The following ADD3 variants were observed in gnomAD, a reference collection of about 807,000 sequenced individuals.
ADD3 encodes adducin 3.
In ADD3, 25 loss-of-function variants were observed where a neutral mutation model predicts 80.2. The ratio of observed to expected loss-of-function variants is 0.31; its 90% CI spans 0.23 to 0.44. The LOEUF (loss-of-function observed/expected upper bound fraction) is 0.44, where lower values mean the gene tolerates loss of function less well. Ranked by LOEUF, ADD3 falls within the 20% of genes least tolerant of loss-of-function variation. The probability of loss-of-function intolerance (pLI) is 1.00; values close to 1 mark genes in which losing one functional copy is unlikely to be tolerated. For synonymous variants in ADD3, 284 were observed against 289.6 expected, an observed-to-expected ratio of 0.98 and a Z score of 0.20; for missense variants, 829 against 847.5, an observed-to-expected ratio of 0.98 and a Z score of 0.27.
chr10:110,086,292 C>A (rs1846738623), intron 1 of ADD3, among the ~76,000 whole-genome samples: 1 of 151,908 alleles, frequency 6.6e-6, no homozygotes, highest in African/African-American at 2.4e-5. Context: ...TGCCTGTAGT[C>A]CCAGCTACTC....
intron 1 of ADD3, among the ~76,000 whole-genome samples, chr10:110,024,335 A>G (rs1278024508): frequency 1.3e-5 from 2 of 152,252 alleles, no homozygotes; most frequent in African/African-American, 4.8e-5. Flanking sequence ...AAAAGTAAAC[A>G]TAGCGTAAGC....
intron 2 of ADD3, among the ~76,000 whole-genome samples, chr10:110,110,608 A>C (rs1205823302): frequency 6.6e-6 from 1 of 152,150 alleles, no homozygotes; most frequent in Non-Finnish European, 1.5e-5. Context: ...AGTGCACTGT[A>C]AACACTGAGT....
chr10:110,113,758 A>G, intron 3 of ADD3, among the ~76,000 whole-genome samples: 1 of 152,234 alleles, frequency 6.6e-6, no homozygotes, highest in East Asian at 1.9e-4. Flanking sequence ...TCATAGTATT[A>G]TTAACAAAAA....
chr10:110,064,396 T>C (rs907542178), intron 1 of ADD3, among the ~76,000 whole-genome samples: 2 of 152,184 alleles, frequency 1.3e-5, no homozygotes, highest in Admixed American at 6.5e-5. Context: ...GTACTTGATA[T>C]TAAGTTTTTT....
At chr10:110,096,807 C>T (rs550664504) in intron 1 of ADD3, among the ~76,000 whole-genome samples, 35 of 152,202 alleles carry the variant, frequency 2.3e-4, no homozygotes, top group African/African-American at 7.7e-4. Flanking sequence ...AAAAGTAGAT[C>T]GCAGGGAAGC....
intron 1 of ADD3, among the ~76,000 whole-genome samples, chr10:110,019,391 G>C (rs1473034272): frequency 7.0e-6 from 1 of 142,848 alleles, no homozygotes; most frequent in Non-Finnish European, 1.5e-5. Flanking sequence ...GTCTTGCTCT[G>C]TTGCCCAGGC....
At chr10:110,020,303 T>G (rs1431534137) in intron 1 of ADD3, among the ~76,000 whole-genome samples, 1 of 152,084 alleles carries the variant, frequency 6.6e-6, no homozygotes. Context: ...TTCTTGGAAG[T>G]CAATAGAAAT....
In ADD3 at chr10:109,999,919, G is replaced by GTT. The variant is rs1211606435; in HGVS notation, n.79+3490_79+3491dup. Reference sequence around the variant, plus strand: ...AGGCCATAAGCTATGTCTTAAGGTTGTTTTTTTTTTTTTTTTTTGAGACAG... The same window carrying GTT: ...AGGCCATAAGCTATGTCTTAAGGTTGTTTTTTTTTTTTTTTTTTTTGAGACAG... On this transcript the variant is annotated intron_variant and non_coding_transcript_variant, in intron 1 of 5. Coordinates refer to the ADD3 transcript ENST00000468251. Among the ~76,000 whole-genome samples, 212 of 115,702 alleles carry GTT rather than the reference G, an allele frequency of 1.8e-3. 5 individuals carry two copies. The highest frequency in any genetic ancestry group is 5.4e-3 in the African/African-American group (173 of 32,122). The allele number at this position is 115,702 out of a possible 152,430, so 75.9% of individuals were successfully genotyped here. A position where few individuals can be genotyped will look rare whatever the true frequency, so the allele number is the denominator to read the frequency against.
At chr10:110,095,143 G>A (rs1171641889) in intron 1 of ADD3, among the ~76,000 whole-genome samples, 1 of 152,156 alleles carries the variant, frequency 6.6e-6, no homozygotes, top group East Asian at 1.9e-4. Flanking sequence ...CCCATTGTGA[G>A]GACTACAAGA....
At chr10:110,114,505 A>C (rs1216374454) in intron 3 of ADD3, among the ~76,000 whole-genome samples, 1 of 152,188 alleles carries the variant, frequency 6.6e-6, no homozygotes, top group African/African-American at 2.4e-5. Context: ...TATTGCAGGG[A>C]TCCATGCATG....
chr10:110,124,340 GT>G, intron 10 of ADD3, 66 bp downstream of exon 10: 1 of 1,513,056 alleles, frequency 6.6e-7, no homozygotes, highest in South Asian at 1.2e-5. Flanking sequence ...AGAATTGAAT[GT>G]TCTATATTGA....
chr10:110,103,342 T>C (rs986962137), intron 2 of ADD3, among the ~76,000 whole-genome samples: 3 of 152,258 alleles, frequency 2.0e-5, no homozygotes, highest in Admixed American at 1.3e-4. Context: ...GCTGAGTTTT[T>C]CTGGCTCAAG....
At chr10:110,090,849 T>G (rs915052109) in intron 1 of ADD3, among the ~76,000 whole-genome samples, 2 of 151,980 alleles carry the variant, frequency 1.3e-5, no homozygotes, top group Admixed American at 6.6e-5. Context: ...GTTGTGGGGG[T>G]TTTTTCCCTT....
intron 1 of ADD3, among the ~76,000 whole-genome samples, chr10:110,065,417 C>T (rs1358390695): frequency 1.3e-5 from 2 of 151,360 alleles, no homozygotes; most frequent in Non-Finnish European, 2.9e-5. Context: ...CTCCTCTGAT[C>T]TATTTCCTCT....
Position 110,117,357 on chromosome 10 carries a change from G to T in ADD3, c.502G>T (p.Glu168Ter). The T allele has an allele frequency of 6.3e-7, 1 of 1,598,396 alleles. No individual in the cohort carries two copies. The highest frequency in any genetic ancestry group is 8.6e-7 in the Non-Finnish European group (1 of 1,166,484). Residue 168 changes from glutamate (E) to a stop codon, truncating the protein, a stop_gained, in exon 5 of 15, where the codon GAG becomes TAG. Transcript: ENST00000356080. LOFTEE classifies it high-confidence loss of function. ...NTYISVRISK[E>*]QDHIIIIPRG... ...TTTTTTCCAGGTAAGAATAAGTAAG[G>T]AGCAAGACCACATTATAATAATTCC...
At chr10:110,115,297 A>G (rs1850583597) in intron 3 of ADD3, among the ~76,000 whole-genome samples, 1 of 152,070 alleles carries the variant, frequency 6.6e-6, no homozygotes, top group Non-Finnish European at 1.5e-5. Flanking sequence ...CTGAGGCGGG[A>G]GAATCGCTTT....
intron 3 of ADD3, among the ~76,000 whole-genome samples, chr10:110,115,620 A>G (rs1436927298): frequency 6.6e-6 from 1 of 152,232 alleles, no homozygotes; most frequent in Non-Finnish European, 1.5e-5. Flanking sequence ...AAAAGCATGT[A>G]GACAAGGAAT....
chr10:110,125,241 T>A (rs1446463387), intron 10 of ADD3, among the ~76,000 whole-genome samples: 1 of 152,200 alleles, frequency 6.6e-6, no homozygotes, highest in African/African-American at 2.4e-5. Flanking sequence ...CGAGATTCGC[T>A]TTCTTTAAGG....
intron 10 of ADD3, among the ~76,000 whole-genome samples, chr10:110,124,840 A>C (rs1339507499): frequency 3.3e-5 from 5 of 152,210 alleles, no homozygotes; most frequent in Non-Finnish European, 5.9e-5. Context: ...TCTCTAGGTC[A>C]GTCTTGTCCA....
Sources: gnomAD v4.1 joint callset for allele counts (sites outside exome capture counted in the v4.1 genomes callset) on GRCh38, gnomAD v4.1.1 for gene constraint, MANE v1.5 for transcripts, NCBI Gene and HGNC (gene_info 2026-07-23, HGNC 2026-07-21) for gene names.